The following DDX60 variants were observed in gnomAD, a reference collection of about 807,000 sequenced individuals.
DDX60 encodes DExD/H-box helicase 60.
DDX60 carries 165 observed loss-of-function variants against 212.8 expected under a neutral mutation model. That is an observed-to-expected ratio of 0.78 (90% CI 0.68 to 0.88). DDX60 has a LOEUF of 0.88. Among genes scored for constraint, DDX60 ranks in the 40% least tolerant of loss-of-function variants. The pLI, the probability that DDX60 is intolerant of heterozygous loss-of-function variation, is 0.00. For synonymous variants in DDX60, 703 were observed against 685.3 expected (o/e 1.03, Z -0.40); for missense variants, 1,905 against 2,003.9 (o/e 0.95, Z 0.94).
At chr4:168,223,412 G>GAAAGAA (rs1733134245) in intron 35 of DDX60, among the ~76,000 whole-genome samples, 1 of 151,942 alleles carries the variant, frequency 6.6e-6, no homozygotes, top group South Asian at 2.1e-4. Flanking sequence ...AGGGAATATG[G>GAAAGAA]AAAGAAAATG....
chr4:168,275,970 C>T, intron 15 of DDX60, 45 bp downstream of exon 15: 1 of 1,505,214 alleles, frequency 6.6e-7, no homozygotes, highest in South Asian at 1.4e-5. Flanking sequence ...TTTATGTATA[C>T]CTAATAATTA....
intron 34 of DDX60, among the ~76,000 whole-genome samples, 156 bp downstream of exon 34, chr4:168,225,373 T>C (rs1201573655): frequency 1.3e-5 from 2 of 152,064 alleles, no homozygotes; most frequent in East Asian, 3.9e-4. Context: ...TAATGTCTAA[T>C]AAGCAAAATT....
At chr4:168,281,814 T>C (rs1431055373) in intron 13 of DDX60, among the ~76,000 whole-genome samples, 2 of 152,184 alleles carry the variant, frequency 1.3e-5, no homozygotes, top group Admixed American at 6.5e-5. Context: ...AAACAAATAA[T>C]TCTAATCAAT....
At chr4:168,316,262 A>G (rs1001875576) in intron 1 of DDX60, among the ~76,000 whole-genome samples, 6 of 152,236 alleles carry the variant, frequency 3.9e-5, no homozygotes, top group African/African-American at 1.4e-4. Flanking sequence ...GATTGCTTCT[A>G]CACTGAGTAA....
In DDX60 at chr4:168,250,525, C is replaced by CTT. The variant is rs59885639; in HGVS notation, c.3858+427_3858+428dup. Among the ~76,000 whole-genome samples the CTT allele has an allele frequency of 4.6e-3, 641 of 138,052 alleles. 5 individuals carry two copies. The highest frequency in any genetic ancestry group is 0.016 in the African/African-American group (609 of 37,432). The allele number at this position is 138,052 out of a possible 152,430, so 90.6% of individuals were successfully genotyped here. A position where few individuals can be genotyped will look rare whatever the true frequency, so the allele number is the denominator to read the frequency against. On this transcript the variant is annotated intron_variant, in intron 28 of 37. Coordinates refer to ENST00000393743, the MANE Select transcript of DDX60 (RefSeq NM_017631.6). ...TTAAATAAGACAGAGGATATCATGA[C>CTT]TTTTTTTTTTTTTTTTTGAGACAAA...
intron 30 of DDX60, among the ~76,000 whole-genome samples, chr4:168,238,998 T>C (rs1733739177): frequency 6.6e-6 from 1 of 152,160 alleles, no homozygotes; most frequent in South Asian, 2.1e-4. Context: ...AGAAATTTCA[T>C]ACATCCTATT....
chr4:168,299,577 C>A (rs1339546221), intron 6 of DDX60, among the ~76,000 whole-genome samples: 11 of 150,776 alleles, frequency 7.3e-5, no homozygotes, highest in Admixed American at 2.0e-4. Flanking sequence ...TAAAAAAAAA[C>A]CAAGAGAATT....
Position 168,280,506 on chromosome 4 carries a change from C to T in DDX60, c.1807G>A (p.Ala603Thr). 1 of 1,614,104 alleles carries T rather than the reference C, an allele frequency of 6.2e-7. No individual in the cohort carries two copies. Among genetic ancestry groups the T allele is most frequent in the Non-Finnish European group, 8.5e-7 (1 of 1,179,992 alleles). The change falls in exon 14 of 38, where the codon GCT becomes ACT. Residue 603 changes from alanine (A) to threonine (T), a missense_variant. By Grantham distance (58) the Ala-to-Thr change is moderately conservative. Transcript: ENST00000393743. ...TGCTCTTCAATAGAAAATGACAAAG[C>T]ATTCCACTTTTGCTCTTCCTTTTGT... ...EEQKEEQKWN[A>T]LSFSIEEQLK...
intron 33 of DDX60, among the ~76,000 whole-genome samples, chr4:168,230,518 A>G (rs1250587660): frequency 6.6e-6 from 1 of 152,146 alleles, no homozygotes; most frequent in Non-Finnish European, 1.5e-5. Context: ...AAAATTGGAA[A>G]TCAACTCCAA....
chr4:168,283,392 C>T (rs1735678085), intron 13 of DDX60, 54 bp downstream of exon 13: 1 of 1,527,088 alleles, frequency 6.5e-7, no homozygotes, highest in Non-Finnish European at 9.0e-7. Context: ...CACATATCAA[C>T]CTGATAAAAG....
At chr4:168,244,762 T>G (rs1733966527) in intron 30 of DDX60, among the ~76,000 whole-genome samples, 1 of 151,704 alleles carries the variant, frequency 6.6e-6, no homozygotes, top group Admixed American at 6.6e-5. Context: ...AAAAAGAATT[T>G]CAGGAAAACA....
At chr4:168,223,139 G>GC (rs1265494226) in intron 35 of DDX60, among the ~76,000 whole-genome samples, 1 of 151,998 alleles carries the variant, frequency 6.6e-6, no homozygotes, top group Non-Finnish European at 1.5e-5. Flanking sequence ...AAGGTTGATG[G>GC]CCTGGGGGAA....
Position 168,274,091 on chromosome 4 carries a change from G to A in DDX60, c.2305-8C>T. On this transcript the variant is annotated splice_polypyrimidine_tract_variant and splice_region_variant and intron_variant, in intron 16 of 37. Transcript: ENST00000393743. Reference sequence around the variant, plus strand: ...AACATCAAGGAGCTCTCGCTGCAGGGTGCAGAGTACCATTCATGTCAAGAA... The same window carrying A: ...AACATCAAGGAGCTCTCGCTGCAGGATGCAGAGTACCATTCATGTCAAGAA... 1 of 1,613,966 alleles carries A rather than the reference G, an allele frequency of 6.2e-7. No homozygotes were observed. The highest frequency in any genetic ancestry group is 8.5e-7 in the Non-Finnish European group (1 of 1,179,938).
intron 32 of DDX60, 112 bp from the exon 33 acceptor site, chr4:168,236,485 A>G: frequency 1.1e-6 from 1 of 937,308 alleles, no homozygotes. Context: ...AAAATTTATG[A>G]CAAACATAGC....
chr4:168,255,681 A>T, intron 26 of DDX60, 30 bp downstream of exon 26: 1 of 1,543,396 alleles, frequency 6.5e-7, no homozygotes, highest in South Asian at 1.2e-5. Context: ...TTAACCCTCT[A>T]CTTATCAATT....
At chr4:168,248,654 A>G (rs536091994) in intron 28 of DDX60, among the ~76,000 whole-genome samples, 39 of 152,170 alleles carry the variant, frequency 2.6e-4, no homozygotes, top group Non-Finnish European at 5.0e-4. Flanking sequence ...GACTACCTCA[A>G]TAATATTACT....
chr4:168,223,929 T>A (rs1272123204), intron 35 of DDX60, among the ~76,000 whole-genome samples: 5 of 152,050 alleles, frequency 3.3e-5, no homozygotes, highest in African/African-American at 1.2e-4. Flanking sequence ...TTTATAGCAG[T>A]ACTGAGAAAG....
chr4:168,316,153 A>G (rs1453089582), intron 1 of DDX60, among the ~76,000 whole-genome samples: 1 of 152,260 alleles, frequency 6.6e-6, no homozygotes, highest in Non-Finnish European at 1.5e-5. Flanking sequence ...AGCTATAAAG[A>G]AAAACAAGAG....
chr4:168,257,599 T>C (rs1734465960), intron 25 of DDX60, among the ~76,000 whole-genome samples: 1 of 152,182 alleles, frequency 6.6e-6, no homozygotes, highest in African/African-American at 2.4e-5. Flanking sequence ...TATTACTTTT[T>C]AAAATAGTGT....
Sources: gnomAD v4.1 joint callset for allele counts (sites outside exome capture counted in the v4.1 genomes callset) on GRCh38, gnomAD v4.1.1 for gene constraint, MANE v1.5 for transcripts, NCBI Gene and HGNC (gene_info 2026-07-23, HGNC 2026-07-21) for gene names.